KRR1: variants seen among roughly 807,000 people sequenced by gnomAD.
KRR1 encodes KRR1 small subunit processome component homolog.
Under a neutral mutation model 50.0 loss-of-function variants are expected in KRR1, and 23 were observed. The ratio of observed to expected loss-of-function variants is 0.46; its 90% CI spans 0.33 to 0.65. KRR1 has a LOEUF of 0.65. KRR1 is among the 30% of genes least tolerant of loss of function. KRR1 has a pLI of 0.02. For synonymous variants in KRR1, 133 were observed against 146.3 expected, an observed-to-expected ratio of 0.91 and a Z score of 0.66; for missense variants, 419 against 442.4, an observed-to-expected ratio of 0.95 and a Z score of 0.47.
intron 5 of KRR1, 119 bp downstream of exon 5, chr12:75,506,197 G>T: frequency 1.6e-6 from 1 of 625,512 alleles, no homozygotes; most frequent in Non-Finnish European, 2.7e-6. Context: ...ATTTACTAAT[G>T]GGAAATCAAA....
intron 6 of KRR1, among the ~76,000 whole-genome samples, chr12:75,504,949 A>G (rs976383906): frequency 1.3e-5 from 2 of 152,002 alleles, no homozygotes; most frequent in Admixed American, 6.6e-5. Flanking sequence ...ATTGATTACA[A>G]CTATATAACA....
intron 1 of KRR1, among the ~76,000 whole-genome samples, chr12:75,510,843 T>A (rs2046444820): frequency 6.6e-6 from 1 of 152,230 alleles, no homozygotes; most frequent in Non-Finnish European, 1.5e-5. Flanking sequence ...GCATCTAAAT[T>A]GAGAGTTCAA....
Position 75,497,221 on chromosome 12 carries a change from A to G in KRR1, c.*2588T>C, listed in dbSNP as rs1257845544. 1 of 152,184 alleles carries G rather than the reference A, an allele frequency of 6.6e-6. No homozygotes were observed. The allele number at this position is 152,184 out of a possible 1,614,324, so 9.4% of individuals were successfully genotyped here. A position where few individuals can be genotyped will look rare whatever the true frequency, so the allele number is the denominator to read the frequency against. On this transcript the variant is annotated 3_prime_UTR_variant, in exon 10 of 10. Coordinates refer to ENST00000229214, the MANE Select transcript of KRR1 (RefSeq NM_007043.7). ...AAAAAATGTTTCCCTTTAAAAATCT[A>G]GGCAATTAGTAACACTACCACCACC... is the stretch of plus-strand genomic sequence containing the variant.
At chr12:75,504,746 T>C (rs530816342) in intron 6 of KRR1, among the ~76,000 whole-genome samples, 1 of 151,994 alleles carries the variant, frequency 6.6e-6, no homozygotes, top group African/African-American at 2.4e-5. Context: ...CACAGGGATA[T>C]AACAGTTCTC....
Position 75,495,996 on chromosome 12 carries a change from C to CGTTTTTTTTTTT in KRR1, c.*3801_*3812dup, listed in dbSNP as rs1389065125. 8.0e-6 allele frequency: 1 copy of CGTTTTTTTTTTT among 125,058 alleles called. No homozygotes were observed. The allele number at this position is 125,058 out of a possible 1,614,324, so 7.7% of individuals were successfully genotyped here. ...ATCCAAACAAACAGAATTCTGTTTT[C>CGTTTTTTTTTTT]GTTTTTTTTTTTGTTTTTTTTTTTT... is the stretch of plus-strand genomic sequence containing the variant. On this transcript the variant is annotated 3_prime_UTR_variant, in exon 10 of 10. Transcript: ENST00000229214.
intron 9 of KRR1, 84 bp from the exon 10 acceptor site, chr12:75,500,035 T>C: frequency 9.3e-7 from 1 of 1,071,376 alleles, no homozygotes; most frequent in Non-Finnish European, 1.3e-6. Context: ...AAAGAATATA[T>C]GTTTAAGGCA....
rs1307364042 is a variant in KRR1 at position 75,493,573 on chromosome 12, G to A, written c.*6236C>T. The A allele has an allele frequency of 2.0e-5, 3 of 152,160 alleles. No individual in the cohort carries two copies. The East Asian group carries it at 5.8e-4, about 29-fold the overall frequency. 9.4% of individuals were successfully genotyped at this position (152,160 alleles called of 1,614,324 possible). A position where few individuals can be genotyped will look rare whatever the true frequency, so the allele number is the denominator to read the frequency against. On this transcript the variant is annotated 3_prime_UTR_variant, in exon 10 of 10. Transcript: ENST00000229214. ...AGGAAATAACTTTGACCACAAGATA[G>A]TCAAGATAGTACCAGTGTGCTTAGG...
In KRR1 at chr12:75,493,797, C is replaced by T. The variant is rs1365124278; in HGVS notation, c.*6012G>A. 1 of 152,182 alleles carries T rather than the reference C, an allele frequency of 6.6e-6. No homozygotes were observed. The highest frequency in any genetic ancestry group is 1.9e-4 in the East Asian group (1 of 5,198). The allele number at this position is 152,182 out of a possible 1,614,324, so 9.4% of individuals were successfully genotyped here. A position where few individuals can be genotyped will look rare whatever the true frequency, so the allele number is the denominator to read the frequency against. On this transcript the variant is annotated 3_prime_UTR_variant, in exon 10 of 10. Coordinates refer to ENST00000229214, the MANE Select transcript of KRR1 (RefSeq NM_007043.7). ...TGACTCCCATCTAGACAAATCCAGG[C>T]CTTTCCAGTAGCATGTTTCTCCCAA...
Position 75,503,984 on chromosome 12 carries a change from C to T in KRR1, c.751G>A (p.Val251Met). ...TTCTTTGGTTCCTTGCGTTTATTCA[C>T]ATTTTTGTGTTTGAACTGTGGCAAA... ...RFLPQFKHKN[V>M]NKRKEPKKKT... is the part of the protein sequence containing the mutation. Residue 251 changes from valine to methionine, a missense_variant, in exon 7 of 10, where the codon GTG becomes ATG. Transcript: ENST00000229214. 6.2e-7 allele frequency: 1 copy of T among 1,612,342 alleles called. No homozygotes were observed. The highest frequency in any genetic ancestry group is 8.5e-7 in the Non-Finnish European group (1 of 1,178,820).
At chr12:75,505,161 A>T in intron 6 of KRR1, 37 bp downstream of exon 6, 1 of 1,487,704 alleles carries the variant, frequency 6.7e-7, no homozygotes. Context: ...AAGAAGTATG[A>T]TAATCACTGG....
chr12:75,506,138 G>T (rs7966268), intron 5 of KRR1, 178 bp downstream of exon 5: 162,057 of 475,808 alleles, frequency 0.34, 30,740 homozygotes, highest in East Asian at 0.45. Flanking sequence ...GCCAAAACAT[G>T]TTAGGGTCCA....
Position 75,495,914 on chromosome 12 carries a change from A to T in KRR1, c.*3895T>A, listed in dbSNP as rs2046347828. ...CAAAAAAAACTGTCAGAAACTGTAG[A>T]CTAAGATTCCTAAGATTTGCTTATT... On this transcript the variant is annotated 3_prime_UTR_variant, in exon 10 of 10. Coordinates refer to ENST00000229214, the MANE Select transcript of KRR1 (RefSeq NM_007043.7). The T allele has an allele frequency of 3.4e-6, 1 of 292,044 alleles. No homozygotes were observed. Among genetic ancestry groups the T allele is most frequent in the African/African-American group, 2.2e-5 (1 of 45,778 alleles). 18.1% of individuals were successfully genotyped at this position (292,044 alleles called of 1,614,324 possible).
chr12:75,511,583 C>A lies in KRR1; in HGVS notation c.15G>T (p.Ser5=), dbSNP rs781763051. Residue 5 remains serine, a synonymous_variant, in exon 1 of 10, where the codon TCG becomes TCT. Coordinates refer to ENST00000229214, the MANE Select transcript of KRR1 (RefSeq NM_007043.7). ...CAGCGCCTTTTTCTGGCCGCTCCAG[C>A]GAGGGAGACGCCATTTGCAAGCTGC... The part of the protein sequence containing the change: MASP[S]LERPEKGAGK... 1.9e-6 allele frequency: 3 copies of A among 1,614,054 alleles called. No individual in the cohort carries two copies. The highest frequency in any genetic ancestry group is 2.5e-6 in the Non-Finnish European group (3 of 1,179,934).
intron 6 of KRR1, among the ~76,000 whole-genome samples, chr12:75,504,973 C>T (rs1359063199): frequency 6.6e-6 from 1 of 151,804 alleles, no homozygotes; most frequent in Non-Finnish European, 1.5e-5. Flanking sequence ...TACAGTATCC[C>T]CTTCAGTAGT....
At position 75,498,833 on chromosome 12, in the gene KRR1, C is replaced by CTGT. The variant is rs775936218; in HGVS notation, c.*973_*975dup. 1.5e-5 allele frequency: 24 copies of CTGT among 1,612,420 alleles called. No individual in the cohort carries two copies. In the African/African-American group the frequency reaches 3.1e-4, roughly 21 times the overall value. ...TATGTTTGTTTCACAGGTTACTACT[C>CTGT]TGTTGTATATCCAGGCTGGCCCATA... is the stretch of plus-strand genomic sequence containing the variant. On this transcript the variant is annotated 3_prime_UTR_variant, in exon 10 of 10. Coordinates refer to ENST00000229214, the MANE Select transcript of KRR1 (RefSeq NM_007043.7).
Position 75,494,671 on chromosome 12 carries a change from C to CA in KRR1, c.*5137dup, listed in dbSNP as rs1306740152. ...CAGACTGCCAAAGGGTACGATTACA[C>CA]AAAAAAGTTTAGAACTTTTTCCAAA... On this transcript the variant is annotated 3_prime_UTR_variant, in exon 10 of 10. Transcript: ENST00000229214. The CA allele has an allele frequency of 1.1e-4, 16 of 152,088 alleles. No individual in the cohort carries two copies. Among genetic ancestry groups the CA allele is most frequent in the Non-Finnish European group, 4.4e-5 (3 of 68,004 alleles). The allele number at this position is 152,088 out of a possible 1,614,324, so 9.4% of individuals were successfully genotyped here. A position where few individuals can be genotyped will look rare whatever the true frequency, so the allele number is the denominator to read the frequency against.
At chr12:75,504,109 T>C in intron 6 of KRR1, 35 bp from the exon 7 acceptor site, 2 of 1,506,252 alleles carry the variant, frequency 1.3e-6, no homozygotes, top group Non-Finnish European at 1.8e-6. Context: ...ATTTTTACTT[T>C]CCAAAGTCAC....
Position 75,494,255 on chromosome 12 carries a change from C to G in KRR1, c.*5554G>C, listed in dbSNP as rs925681447. 6.6e-6 allele frequency: 1 copy of G among 152,086 alleles called. No homozygotes were observed. The highest frequency in any genetic ancestry group is 1.5e-5 in the Non-Finnish European group (1 of 68,010). 9.4% of individuals were successfully genotyped at this position (152,086 alleles called of 1,614,324 possible). On this transcript the variant is annotated 3_prime_UTR_variant, in exon 10 of 10. Coordinates refer to ENST00000229214, the MANE Select transcript of KRR1 (RefSeq NM_007043.7). ...TGTAGAGTGCTGGGGAGAGGAGGAC[C>G]ATAAACTTTGATTAGAAAATAGTTT...
intron 5 of KRR1, 89 bp from the exon 6 acceptor site, chr12:75,505,343 G>A: frequency 7.9e-7 from 1 of 1,257,906 alleles, no homozygotes; most frequent in Non-Finnish European, 1.1e-6. Context: ...CAGGTAATGG[G>A]TACCAAATTA....
Sources: gnomAD v4.1 joint callset for allele counts (sites outside exome capture counted in the v4.1 genomes callset) on GRCh38, gnomAD v4.1.1 for gene constraint, MANE v1.5 for transcripts, NCBI Gene and HGNC (gene_info 2026-07-23, HGNC 2026-07-21) for gene names.